Variants in PRPF31 observed in about 807,000 individuals in gnomAD.
PRPF31 encodes the protein pre-mRNA processing factor 31.
Under a neutral mutation model 60.4 loss-of-function variants are expected in PRPF31, and 12 were observed. The ratio of observed to expected loss-of-function variants is 0.20; its 90% CI spans 0.13 to 0.32. PRPF31 has a LOEUF of 0.32. Among genes scored for constraint, PRPF31 ranks in the 10% least tolerant of loss-of-function variants. PRPF31 has a pLI of 1.00. For missense variants in PRPF31, 431 were observed against 687.1 expected, an observed-to-expected ratio of 0.63 and a Z score of 4.17; for synonymous variants, 287 against 287.9, an observed-to-expected ratio of 1.00 and a Z score of 0.03.
At position 54,128,958 on chromosome 19, in the gene PRPF31, C is replaced by G. The variant is rs2073989519; in HGVS notation, c.1147-99C>G. 2.3e-6 allele frequency: 3 copies of G among 1,298,884 alleles called. No homozygotes were observed. In the South Asian group the frequency reaches 3.8e-5, roughly 16 times the overall value. The allele number at this position is 1,298,884 out of a possible 1,614,324, so 80.5% of individuals were successfully genotyped here. ...AGCAGGTGCCCGTGGGACCGGCCGG[C>G]TGGTGACCGCTGGGCTTCGGGCTGG... On this transcript the variant is annotated intron_variant, in intron 11 of 13. Transcript: ENST00000321030.
chr19:54,128,581 C>A (rs985856433), intron 11 of PRPF31, among the ~76,000 whole-genome samples: 1 of 150,930 alleles, frequency 6.6e-6, no homozygotes, highest in Non-Finnish European at 1.5e-5. Flanking sequence ...CCTGTGTCTC[C>A]GCTGCTTAGA....
intron 3 of PRPF31, chr19:54,118,868 C>T: frequency 1.8e-6 from 1 of 565,604 alleles, no homozygotes; most frequent in Non-Finnish European, 3.1e-6. Flanking sequence ...TAGGACTCAG[C>T]TTGAGGTTTC....
chr19:54,121,415 C>T (rs1439744915), intron 3 of PRPF31, among the ~76,000 whole-genome samples: 1 of 138,618 alleles, frequency 7.2e-6, no homozygotes, highest in Non-Finnish European at 1.6e-5. Context: ...GCGGGAAGGG[C>T]GGGAGGCCAG....
At chr19:54,116,068 A>G (rs2073625406) in intron 1 of PRPF31, among the ~76,000 whole-genome samples, 1 of 148,006 alleles carries the variant, frequency 6.8e-6, no homozygotes. Flanking sequence ...ACCCCTGACT[A>G]ATTTTTGTAT....
chr19:54,122,615 G>C (rs751246526), intron 5 of PRPF31, 21 bp downstream of exon 5: 1 of 1,602,682 alleles, frequency 6.2e-7, no homozygotes. Context: ...AGAAGGTGGG[G>C]TGCTTCTGCT....
At chr19:54,120,550 C>T (rs2073761148) in intron 3 of PRPF31, among the ~76,000 whole-genome samples, 1 of 152,324 alleles carries the variant, frequency 6.6e-6, no homozygotes, top group Middle Eastern at 3.4e-3. Flanking sequence ...CTGAGCTCTG[C>T]CTTCTACTGG....
chr19:54,117,582 T>C (rs2073680347), intron 1 of PRPF31, among the ~76,000 whole-genome samples: 2 of 151,488 alleles, frequency 1.3e-5, no homozygotes, highest in Non-Finnish European at 2.9e-5. Context: ...CGCGGTGGCT[T>C]ACGCCTGTAA....
intron 8 of PRPF31, 31 bp from the exon 9 acceptor site, chr19:54,126,497 C>G: frequency 6.2e-7 from 1 of 1,601,290 alleles, no homozygotes; most frequent in African/African-American, 1.3e-5. Context: ...CTGTCTCACA[C>G]AGATTCCACC....
intron 11 of PRPF31, 77 bp downstream of exon 11, chr19:54,128,454 TC>T (rs1277552378): frequency 4.3e-6 from 6 of 1,389,094 alleles, no homozygotes; most frequent in Non-Finnish European, 6.0e-6. Context: ...CCACCGCCCC[TC>T]CTCTCGTCCT....
chr19:54,128,184 A>C lies in PRPF31; in HGVS notation c.1057A>C (p.Lys353Gln). The C allele has an allele frequency of 5.1e-6, 8 of 1,570,122 alleles. No homozygotes were observed. Among genetic ancestry groups the C allele is most frequent in the Non-Finnish European group, 6.9e-6 (8 of 1,159,718 alleles). Residue 353 changes from lysine (K) to glutamine (Q), a missense_variant, in exon 10 of 14, where the codon AAG (lysine) becomes CAG (glutamine). By Grantham distance (53) the Lys-to-Gln change is moderately conservative. Around this residue, in one of 4 missense-constraint regions of PRPF31, gnomAD observed 314 missense variants for 475.3 expected, o/e 0.66. Transcript: ENST00000321030. ...TGCGCCCCTGGATGGACAGCGGAAG[A>C]AGCGAGGCGGCCGCAGGTGAGGGGC... ...LPAPLDGQRK[K>Q]RGGRRYRKMK...
At chr19:54,121,654 T>C (rs1036439558) in intron 3 of PRPF31, among the ~76,000 whole-genome samples, 2 of 151,934 alleles carry the variant, frequency 1.3e-5, no homozygotes, top group Middle Eastern at 6.8e-3. Context: ...GTAGATGGGG[T>C]CAAGTCTAGA....
rs587674935 is a variant in PRPF31, at chr19:54,121,247, G to T, written c.239-613G>T. 2.0e-5 allele frequency among the ~76,000 whole-genome samples: 3 copies of T among 151,192 alleles called. No individual in the cohort carries two copies. In the East Asian group the frequency reaches 5.9e-4, roughly 29 times the overall value. The stretch of plus-strand genomic sequence containing the variant: ...GAACCCAGGAGGCGGAGGTTGCAGT[G>T]AGCTGAGATCATGCCACTATACTCT... On this transcript the variant is annotated intron_variant, in intron 3 of 13. Transcript: ENST00000321030.
At chr19:54,131,090 T>C (rs1434595181) in intron 13 of PRPF31, among the ~76,000 whole-genome samples, 2 of 152,126 alleles carry the variant, frequency 1.3e-5, no homozygotes. Context: ...CCTGAGGAAC[T>C]TCGTACAAAT....
In PRPF31 at chr19:54,126,491, C is replaced by T. The variant is rs769115772; in HGVS notation, c.856-37C>T. ...TTTGCTGTTACCTCTGTCTGTCTGT[C>T]TCACACAGATTCCACCCCCGTTTTC... On this transcript the variant is annotated intron_variant, in intron 8 of 13. Coordinates refer to ENST00000321030, the MANE Select transcript of PRPF31 (RefSeq NM_015629.4). The T allele has an allele frequency of 2.5e-6, 4 of 1,592,426 alleles. No homozygotes were observed. In the African/African-American group the frequency reaches 5.4e-5, roughly 21 times the overall value.
intron 9 of PRPF31, 122 bp downstream of exon 9, chr19:54,126,739 G>A (rs767047804): frequency 5.9e-6 from 6 of 1,012,128 alleles, no homozygotes; most frequent in Non-Finnish European, 7.6e-6. Flanking sequence ...GGCGGAGGCA[G>A]TGCTTCTGCC....
chr19:54,129,950 G>T (rs1287403585), intron 13 of PRPF31, among the ~76,000 whole-genome samples: 1 of 152,150 alleles, frequency 6.6e-6, no homozygotes, highest in Non-Finnish European at 1.5e-5. Context: ...AGTGTTCCCG[G>T]CTCTGGGGAT....
chr19:54,116,757 G>C (rs1222683277), intron 1 of PRPF31, among the ~76,000 whole-genome samples: 1 of 152,214 alleles, frequency 6.6e-6, no homozygotes, highest in Non-Finnish European at 1.5e-5. Flanking sequence ...GGGTCAGGGA[G>C]GTGGAACGTG....
At chr19:54,130,352 G>A (rs1414750320) in intron 13 of PRPF31, among the ~76,000 whole-genome samples, 2 of 152,206 alleles carry the variant, frequency 1.3e-5, no homozygotes, top group Non-Finnish European at 1.5e-5. Context: ...CAGGCCGGGC[G>A]CGGTGGCTCA....
chr19:54,130,930 T>G (rs2074035411), intron 13 of PRPF31, among the ~76,000 whole-genome samples: 1 of 152,130 alleles, frequency 6.6e-6, no homozygotes, highest in Admixed American at 6.6e-5. Context: ...AGCCAGGTGT[T>G]GGCTCCCATT....
Sources: allele counts gnomAD v4.1 joint callset (sites outside exome capture counted in the v4.1 genomes callset), GRCh38; gene constraint gnomAD v4.1.1; regional missense constraint gnomAD v4.1.1; transcripts MANE v1.5; gene names NCBI Gene and HGNC (gene_info 2026-07-23, HGNC 2026-07-21).